Variants in PHACTR1 observed in about 807,000 individuals in gnomAD.
PHACTR1 encodes the protein RPEL repeat containing 1.
Under a neutral mutation model 69.2 loss-of-function variants are expected in PHACTR1, and 16 were observed. The ratio of observed to expected loss-of-function variants is 0.23; its 90% CI spans 0.16 to 0.35. The LOEUF (loss-of-function observed/expected upper bound fraction) is 0.35. Ranked by LOEUF, PHACTR1 falls within the 10% of genes least tolerant of loss-of-function variation. The pLI is 1.00. For synonymous variants in PHACTR1, 312 were observed against 284.5 expected, an observed-to-expected ratio of 1.10 and a Z score of -0.97; for missense variants, 510 against 734.7, an observed-to-expected ratio of 0.69 and a Z score of 3.54.
At chr6:13,075,189 G>C (rs557901382) in intron 5 of PHACTR1, among the ~76,000 whole-genome samples, 19 of 152,112 alleles carry the variant, frequency 1.2e-4, no homozygotes, top group Middle Eastern at 3.2e-3. Flanking sequence ...ACTCTTCCAA[G>C]TTCATCACAT....
intron 3 of PHACTR1, among the ~76,000 whole-genome samples, chr6:12,746,117 A>T (rs1048902077): frequency 6.6e-6 from 1 of 152,258 alleles, no homozygotes; most frequent in African/African-American, 2.4e-5. Context: ...ACGAAGACTA[A>T]GGAAGGGTGT....
chr6:13,004,045 T>C (rs1383695150), intron 4 of PHACTR1, among the ~76,000 whole-genome samples: 1 of 147,950 alleles, frequency 6.8e-6, no homozygotes, highest in Non-Finnish European at 1.5e-5. Context: ...GTTGATTCCA[T>C]ATCTTTGCTA....
intron 4 of PHACTR1, among the ~76,000 whole-genome samples, chr6:12,777,241 A>ATTT (rs57971928): frequency 8.2e-5 from 11 of 134,166 alleles, no homozygotes; most frequent in African/African-American, 1.6e-4. Flanking sequence ...ATATATATAT[A>ATTT]TTTTTTTAAT....
chr6:13,114,590 C>G (rs573434095), intron 5 of PHACTR1, among the ~76,000 whole-genome samples: 83 of 152,328 alleles, frequency 5.4e-4, no homozygotes, highest in African/African-American at 1.9e-3. Context: ...TGTAATTTCT[C>G]TAGCTCAGCA....
intron 8 of PHACTR1, among the ~76,000 whole-genome samples, chr6:13,211,177 A>C (rs1251385141): frequency 6.6e-6 from 1 of 151,842 alleles, no homozygotes; most frequent in Non-Finnish European, 1.5e-5. Context: ...TACATGGATA[A>C]GTTCTTTAGT....
At chr6:13,055,746 C>A (rs950507181) in intron 5 of PHACTR1, among the ~76,000 whole-genome samples, 1 of 152,236 alleles carries the variant, frequency 6.6e-6, no homozygotes, top group Non-Finnish European at 1.5e-5. Context: ...ATTATGCCAA[C>A]GTCTTCAAGA....
chr6:12,753,659 A>T (rs1320626000), intron 4 of PHACTR1, among the ~76,000 whole-genome samples: 1 of 152,088 alleles, frequency 6.6e-6, no homozygotes, highest in Non-Finnish European at 1.5e-5. Flanking sequence ...GAAAGCTGAG[A>T]TCTGTTTTGG....
In PHACTR1 at chr6:13,205,829, G is replaced by A; in HGVS notation, c.679G>A (p.Val227Met). 5.7e-6 allele frequency: 9 copies of A among 1,587,208 alleles called. No homozygotes were observed. The highest frequency in any genetic ancestry group is 7.8e-6 in the Non-Finnish European group (9 of 1,159,828). Residue 227 changes from valine (V) to methionine (M), a missense_variant, in exon 8 of 15, where the codon GTG (valine) becomes ATG (methionine). Val to Met is a conservative substitution (Grantham distance 21). This residue lies in a region of PHACTR1 where 419 missense variants were observed against 530.9 expected (regional missense o/e 0.79). Coordinates refer to ENST00000332995, the MANE Select transcript of PHACTR1 (RefSeq NM_030948.6). Reference protein sequence around the residue: ...IMDGPDPGAPVKLPCLPVKLS... With the variant: ...IMDGPDPGAPMKLPCLPVKLS... ...TTCTGCCACAGATCCTGGCGCCCCTGTGAAATTGCCTTGTCTGCCAGTGAA... is the reference window on the plus strand; with the variant it reads ...TTCTGCCACAGATCCTGGCGCCCCTATGAAATTGCCTTGTCTGCCAGTGAA...
At chr6:12,944,789 T>TTA (rs1425450746) in intron 4 of PHACTR1, among the ~76,000 whole-genome samples, 41 of 55,202 alleles carry the variant, frequency 7.4e-4, no homozygotes, top group Middle Eastern at 8.5e-3. Flanking sequence ...TTTTATTTAT[T>TTA]TTTTTTTTTT....
chr6:13,123,360 T>C (rs933187496), intron 5 of PHACTR1, among the ~76,000 whole-genome samples: 17 of 152,138 alleles, frequency 1.1e-4, no homozygotes, highest in African/African-American at 3.9e-4. Flanking sequence ...AGAGTTAGCA[T>C]TGAATGGGGC....
chr6:13,080,724 G>T (rs1811238554), intron 5 of PHACTR1, among the ~76,000 whole-genome samples: 1 of 152,102 alleles, frequency 6.6e-6, no homozygotes, highest in African/African-American at 2.4e-5. Context: ...TGAGGATAAT[G>T]AATGATATCA....
intron 4 of PHACTR1, among the ~76,000 whole-genome samples, chr6:12,802,266 T>G (rs755599658): frequency 3.6e-5 from 5 of 139,414 alleles, no homozygotes; most frequent in Non-Finnish European, 6.2e-5. Context: ...ACATAATAAC[T>G]TATTGAATAA....
intron 4 of PHACTR1, among the ~76,000 whole-genome samples, chr6:12,930,401 A>T (rs1350386571): frequency 6.6e-6 from 1 of 152,146 alleles, no homozygotes; most frequent in Non-Finnish European, 1.5e-5. Flanking sequence ...AAAGAAAGAG[A>T]AGTTCCTAAG....
chr6:13,213,611 G>A (rs1356543318), intron 8 of PHACTR1, among the ~76,000 whole-genome samples: 1 of 152,206 alleles, frequency 6.6e-6, no homozygotes, highest in Non-Finnish European at 1.5e-5. Context: ...GTATTAACAA[G>A]TGGGGCTTTG....
intron 6 of PHACTR1, among the ~76,000 whole-genome samples, chr6:13,167,165 G>A (rs2113605253): frequency 6.6e-6 from 1 of 152,260 alleles, no homozygotes; most frequent in Admixed American, 6.5e-5. Flanking sequence ...GGGATTTATA[G>A]GGACACAGGA....
At chr6:13,172,574 T>C (rs1168955330) in intron 6 of PHACTR1, among the ~76,000 whole-genome samples, 1 of 152,156 alleles carries the variant, frequency 6.6e-6, no homozygotes, top group Non-Finnish European at 1.5e-5. Flanking sequence ...AGGAAACAGC[T>C]CCAGGGAAGT....
Position 13,287,165 on chromosome 6 carries a change from T to C in PHACTR1, c.*87T>C. 7.8e-7 allele frequency: 1 copy of C among 1,284,920 alleles called. No individual in the cohort carries two copies. Among genetic ancestry groups the C allele is most frequent in the Non-Finnish European group, 1.1e-6 (1 of 916,402 alleles). The allele number at this position is 1,284,920 out of a possible 1,614,324, so 79.6% of individuals were successfully genotyped here. A position where few individuals can be genotyped will look rare whatever the true frequency, so the allele number is the denominator to read the frequency against. ...TGCTGGTATTTATTCACTTCCCCATTACGATGTAAATCTTCTGAACTGCCT... is the reference window on the plus strand; with the variant it reads ...TGCTGGTATTTATTCACTTCCCCATCACGATGTAAATCTTCTGAACTGCCT... On this transcript the variant is annotated 3_prime_UTR_variant, in exon 15 of 15. Coordinates refer to ENST00000332995, the MANE Select transcript of PHACTR1 (RefSeq NM_030948.6).
intron 4 of PHACTR1, among the ~76,000 whole-genome samples, chr6:13,018,640 TCTC>T (rs768246576): frequency 3.9e-5 from 6 of 152,234 alleles, no homozygotes; most frequent in Non-Finnish European, 8.8e-5. Context: ...ACCCACTTCT[TCTC>T]TATATTTAAA....
At chr6:12,926,950 C>T (rs946734865) in intron 4 of PHACTR1, among the ~76,000 whole-genome samples, 1 of 152,250 alleles carries the variant, frequency 6.6e-6, no homozygotes, top group Non-Finnish European at 1.5e-5. Context: ...GCTCTCATTT[C>T]TGCCAGCTCC....
Sources: gnomAD v4.1 joint callset for allele counts (sites outside exome capture counted in the v4.1 genomes callset) on GRCh38, gnomAD v4.1.1 for gene constraint, gnomAD v4.1.1 regional missense constraint, MANE v1.5 for transcripts, NCBI Gene and HGNC (gene_info 2026-07-23, HGNC 2026-07-21) for gene names.